Variants in NTNG2 observed in about 807,000 individuals in gnomAD.
NTNG2 encodes netrin G2.
Under a neutral mutation model 47.6 loss-of-function variants are expected in NTNG2, and 15 were observed. The ratio of observed to expected loss-of-function variants is 0.32; its 90% CI spans 0.21 to 0.49. The LOEUF (loss-of-function observed/expected upper bound fraction) is 0.49. Among genes scored for constraint, NTNG2 ranks in the 20% least tolerant of loss-of-function variants. The pLI, the probability that NTNG2 is intolerant of heterozygous loss-of-function variation, is 0.99. For synonymous variants in NTNG2, 307 were observed against 324.6 expected, an observed-to-expected ratio of 0.95 and a Z score of 0.58; for missense variants, 578 against 764.6, an observed-to-expected ratio of 0.76 and a Z score of 2.88.
chr9:132,187,779 AC>A (rs1206987577), intron 2 of NTNG2, among the ~76,000 whole-genome samples: 1 of 152,108 alleles, frequency 6.6e-6, no homozygotes, highest in Admixed American at 6.5e-5. Context: ...TTCCCCTAGC[AC>A]CCCGGCTTTC....
intron 2 of NTNG2, among the ~76,000 whole-genome samples, chr9:132,193,317 C>T (rs985833602): frequency 6.6e-6 from 1 of 152,084 alleles, no homozygotes; most frequent in African/African-American, 2.4e-5. Context: ...GGTCCAGGCC[C>T]AATATGCAGG....
chr9:132,194,725 G>A (rs1433979662), intron 2 of NTNG2, among the ~76,000 whole-genome samples: 1 of 152,262 alleles, frequency 6.6e-6, no homozygotes, highest in Admixed American at 6.5e-5. Flanking sequence ...ATAGGGGCCT[G>A]AGGACAGAGC....
chr9:132,218,421 C>A lies in NTNG2; in HGVS notation c.858-8428C>A, dbSNP rs1840127758. ...AACAGTTCCTCATGCAAAGTGAGCA[C>A]TCACGCATCAGCTGTCTACCCAGGA... On this transcript the variant is annotated intron_variant, in intron 3 of 7. Coordinates refer to ENST00000393229, the MANE Select transcript of NTNG2 (RefSeq NM_032536.4). This position sits in a 1 kb window ranked among gnomAD's most constrained non-coding sequence, Gnocchi z 5.4. Among the ~76,000 whole-genome samples, 1 of 152,212 alleles carries A rather than the reference C, an allele frequency of 6.6e-6. No individual in the cohort carries two copies. The highest frequency in any genetic ancestry group is 2.4e-5 in the African/African-American group (1 of 41,458).
chr9:132,189,431 T>C (rs1380384754), intron 2 of NTNG2, among the ~76,000 whole-genome samples: 1 of 152,054 alleles, frequency 6.6e-6, no homozygotes, highest in Non-Finnish European at 1.5e-5. Flanking sequence ...TATCATCTCC[T>C]GGTGATAAAC....
intron 5 of NTNG2, among the ~76,000 whole-genome samples, chr9:132,234,427 G>A (rs543630373): frequency 1.8e-4 from 28 of 152,210 alleles, no homozygotes; most frequent in Non-Finnish European, 3.7e-4. Context: ...AGGCCATGGC[G>A]AGAACTTGCT....
Position 132,226,875 on chromosome 9 carries a change from T to C in NTNG2, c.884T>C (p.Leu295Pro). 1 of 1,610,918 alleles carries C rather than the reference T, an allele frequency of 6.2e-7. No individual in the cohort carries two copies. Among genetic ancestry groups the C allele is most frequent in the Non-Finnish European group, 8.5e-7 (1 of 1,178,884 alleles). ...GRCKCNLHAN[L>P]CSMREGSLQC... ...TGCAAGTGCAACCTGCACGCCAACCTGTGCTCCATGCGCGAGGGCAGCCTG... is the reference window on the plus strand; with the variant it reads ...TGCAAGTGCAACCTGCACGCCAACCCGTGCTCCATGCGCGAGGGCAGCCTG... Residue 295 changes from leucine (L) to proline (P), a missense_variant, in exon 4 of 8, where the codon CTG becomes CCG. Leu to Pro is a moderately conservative substitution (Grantham distance 98, BLOSUM62 -3). Coordinates refer to ENST00000393229, the MANE Select transcript of NTNG2 (RefSeq NM_032536.4). The surrounding 1 kb of genome is among the most constrained non-coding windows in gnomAD (Gnocchi z 4.8).
chr9:132,167,801 G>A (rs1469380081), intron 2 of NTNG2, among the ~76,000 whole-genome samples: 1 of 152,180 alleles, frequency 6.6e-6, no homozygotes, highest in Non-Finnish European at 1.5e-5. Context: ...ATGGTTGCGT[G>A]CGAGCTGTCT....
chr9:132,233,875 T>G (rs1341458900), intron 5 of NTNG2: 1 of 152,096 alleles, frequency 6.6e-6, no homozygotes, highest in African/African-American at 2.4e-5. Flanking sequence ...AAATTACACC[T>G]CAATCAAGCT....
chr9:132,182,795 G>T lies in NTNG2; in HGVS notation c.214-15171G>T, dbSNP rs1397781569. On this transcript the variant is annotated intron_variant, in intron 2 of 7. Coordinates refer to ENST00000393229, the MANE Select transcript of NTNG2 (RefSeq NM_032536.4). The surrounding 1 kb of genome is among the most constrained non-coding windows in gnomAD (Gnocchi z 4.2). ...CAGCTATGACCCCACCAGGAGCGGA[G>T]CGGGCAGGGACCAGGCTGCCCTCTA... 6.6e-6 allele frequency among the ~76,000 whole-genome samples: 1 copy of T among 152,212 alleles called. No individual in the cohort carries two copies. The highest frequency in any genetic ancestry group is 1.9e-4 in the East Asian group (1 of 5,192).
At chr9:132,196,812 C>A (rs1402385204) in intron 2 of NTNG2, among the ~76,000 whole-genome samples, 1 of 152,154 alleles carries the variant, frequency 6.6e-6, no homozygotes, top group Non-Finnish European at 1.5e-5. Flanking sequence ...CTCAGTCGCA[C>A]CACACTGCCC....
intron 1 of NTNG2, among the ~76,000 whole-genome samples, chr9:132,164,908 C>T (rs1835396920): frequency 1.3e-5 from 2 of 152,222 alleles, no homozygotes; most frequent in Admixed American, 1.3e-4. Context: ...CAGCAAGTGT[C>T]CGCCACTTCG....
chr9:132,227,134 C>T (rs1056335875), intron 4 of NTNG2, 113 bp downstream of exon 4: 75 of 1,154,160 alleles, frequency 6.5e-5, no homozygotes, highest in Non-Finnish European at 8.3e-5. Flanking sequence ...CAGGCACATA[C>T]GTGTGCACAT....
intron 2 of NTNG2, among the ~76,000 whole-genome samples, chr9:132,195,367 G>T (rs1438131255): frequency 6.6e-6 from 1 of 152,034 alleles, no homozygotes; most frequent in Non-Finnish European, 1.5e-5. Flanking sequence ...GGAGCGCAGT[G>T]GCGCGATCTC....
At chr9:132,177,274 A>G (rs961156450) in intron 2 of NTNG2, among the ~76,000 whole-genome samples, 2 of 152,246 alleles carry the variant, frequency 1.3e-5, no homozygotes, top group African/African-American at 4.8e-5. Flanking sequence ...GGCGTGAGCC[A>G]CCACGCCCAG....
chr9:132,240,119 G>A (rs954040224), intron 6 of NTNG2, among the ~76,000 whole-genome samples: 1 of 152,254 alleles, frequency 6.6e-6, no homozygotes, highest in Non-Finnish European at 1.5e-5. Flanking sequence ...GGCCCCTTGG[G>A]ACACCATCAC....
chr9:132,234,130 G>A (rs1841452918), intron 5 of NTNG2, among the ~76,000 whole-genome samples: 1 of 151,390 alleles, frequency 6.6e-6, no homozygotes, highest in African/African-American at 2.4e-5. Context: ...CCAGGTTCAA[G>A]CAATTCTCCT....
At chr9:132,169,847 C>T (rs935343358) in intron 2 of NTNG2, among the ~76,000 whole-genome samples, 1 of 152,200 alleles carries the variant, frequency 6.6e-6, no homozygotes, top group African/African-American at 2.4e-5. Flanking sequence ...TGCTTCTTCC[C>T]CGGGCTCCTT....
chr9:132,213,273 G>T (rs920738160), intron 3 of NTNG2, among the ~76,000 whole-genome samples: 32 of 144,348 alleles, frequency 2.2e-4, no homozygotes, highest in African/African-American at 8.0e-4. Context: ...AGTGAGCTGA[G>T]ATCGTGCCAC....
intron 3 of NTNG2, among the ~76,000 whole-genome samples, chr9:132,212,282 C>G (rs868209940): frequency 6.6e-6 from 1 of 152,180 alleles, no homozygotes; most frequent in Admixed American, 6.5e-5. Flanking sequence ...AGGCCCTGGT[C>G]ATACCCACCG....
Sources: allele counts gnomAD v4.1 joint callset (sites outside exome capture counted in the v4.1 genomes callset), GRCh38; gene constraint gnomAD v4.1.1; non-coding constraint Gnocchi (gnomAD v3.1); transcripts MANE v1.5; gene names NCBI Gene and HGNC (gene_info 2026-07-23, HGNC 2026-07-21).